NFYB: variants seen among roughly 807,000 people sequenced by gnomAD.
NFYB encodes the protein CAAT box DNA-binding protein subunit B.
In NFYB, 13 loss-of-function variants were observed where a neutral mutation model predicts 28.0. The observed-to-expected ratio is 0.46, with a 90% CI of 0.30 to 0.74. The LOEUF (loss-of-function observed/expected upper bound fraction) is 0.74, where lower values mean the gene tolerates loss of function less well. Ranked by LOEUF, NFYB falls within the 30% of genes least tolerant of loss-of-function variation. NFYB has a pLI of 0.07. For synonymous variants in NFYB, 74 were observed against 75.0 expected, an observed-to-expected ratio of 0.99 and a Z score of 0.07; for missense variants, 142 against 247.6, an observed-to-expected ratio of 0.57 and a Z score of 2.86.
intron 4 of NFYB, among the ~76,000 whole-genome samples, chr12:104,123,950 G>A (rs540294497): frequency 6.6e-6 from 1 of 152,052 alleles, no homozygotes; most frequent in East Asian, 1.9e-4. Context: ...CAAAAAGAGC[G>A]AGACTCCGTC....
At chr12:104,136,382 C>T (rs2031100533) in intron 1 of NFYB, among the ~76,000 whole-genome samples, 1 of 152,078 alleles carries the variant, frequency 6.6e-6, no homozygotes. Context: ...TGAAATCTAG[C>T]AAATAGCAGA....
At chr12:104,120,377 A>G in intron 7 of NFYB, 23 bp downstream of exon 7, 2 of 1,593,760 alleles carry the variant, frequency 1.3e-6, no homozygotes, top group Non-Finnish European at 1.7e-6. Flanking sequence ...TTTTTTAAGC[A>G]TTTAAAATAC....
intron 2 of NFYB, among the ~76,000 whole-genome samples, chr12:104,130,497 A>C (rs1023524664): frequency 4.6e-5 from 7 of 152,192 alleles, no homozygotes; most frequent in Admixed American, 3.9e-4. Flanking sequence ...ACCTTTAATA[A>C]TCTGTGAACA....
At chr12:104,137,795 C>T (rs1026496161) in intron 1 of NFYB, 3 of 147,334 alleles carry the variant, frequency 2.0e-5, no homozygotes, top group African/African-American at 7.3e-5. Flanking sequence ...CCCGGGACGC[C>T]GTCGAGAGCG....
intron 5 of NFYB, among the ~76,000 whole-genome samples, chr12:104,122,953 TCACCTGAGGTCAGGAG>T (rs1343422497): frequency 4.6e-5 from 7 of 152,126 alleles, no homozygotes; most frequent in African/African-American, 9.6e-5. Flanking sequence ...GGCAGGTGGA[TCACCTGAGGTCAGGAG>T]TTTGAGACCA....
In NFYB at chr12:104,121,221, G is replaced by A. The variant is rs761980303; in HGVS notation, c.511+19C>T. 2.3e-5 allele frequency: 36 copies of A among 1,584,772 alleles called. No homozygotes were observed. In the South Asian group the frequency reaches 3.3e-4, roughly 15 times the overall value. ...TCATTGCTAACAATCTACATGACTT[G>A]TATTATAACAATGCTTACTAAATGC... On this transcript the variant is annotated intron_variant, in intron 6 of 7. Coordinates refer to ENST00000240055, the MANE Select transcript of NFYB (RefSeq NM_006166.4).
In NFYB at chr12:104,118,391, T is replaced by C. The variant is rs570186305; in HGVS notation, c.*1346A>G. 1 of 152,724 alleles carries C rather than the reference T, an allele frequency of 6.5e-6. No individual in the cohort carries two copies. Among genetic ancestry groups the C allele is most frequent in the Admixed American group, 6.5e-5 (1 of 15,302 alleles). 9.5% of individuals were successfully genotyped at this position (152,724 alleles called of 1,614,324 possible). ...TTAGCCCACATATACTCCTAAAGGC[T>C]CCTTCTGGCAAAGTAAATGTTTCTG... On this transcript the variant is annotated 3_prime_UTR_variant, in exon 8 of 8. Transcript: ENST00000240055.
chr12:104,137,874 G>A (rs950014653), intron 1 of NFYB: 16 of 146,684 alleles, frequency 1.1e-4, no homozygotes, highest in African/African-American at 3.2e-4. Flanking sequence ...CGAGGGTGAG[G>A]TGGCCTGGCC....
intron 5 of NFYB, among the ~76,000 whole-genome samples, chr12:104,121,898 A>G (rs2030490745): frequency 1.3e-5 from 2 of 152,246 alleles, no homozygotes; most frequent in African/African-American, 2.4e-5. Flanking sequence ...TATTAAGAAT[A>G]TATTTTGAAA....
intron 2 of NFYB, among the ~76,000 whole-genome samples, chr12:104,129,163 C>G (rs902782267): frequency 1.3e-5 from 2 of 152,134 alleles, no homozygotes; most frequent in African/African-American, 2.4e-5. Context: ...CTAATTTATC[C>G]CTGGAATGAT....
At chr12:104,134,047 T>C (rs562334577) in intron 2 of NFYB, among the ~76,000 whole-genome samples, 1 of 152,276 alleles carries the variant, frequency 6.6e-6, no homozygotes, top group African/African-American at 2.4e-5. Context: ...TACTTGACTG[T>C]TCTTTGTAGT....
At chr12:104,130,126 A>G (rs553200709) in intron 2 of NFYB, among the ~76,000 whole-genome samples, 9 of 152,296 alleles carry the variant, frequency 5.9e-5, no homozygotes, top group South Asian at 2.1e-4. Context: ...TCAAAATAAG[A>G]TATCTGTGAG....
intron 2 of NFYB, chr12:104,131,302 A>C (rs759397588): frequency 1.3e-5 from 2 of 157,322 alleles, no homozygotes; most frequent in Non-Finnish European, 2.8e-5. Context: ...ATTCGATCTC[A>C]TCCTCCCTCC....
intron 2 of NFYB, among the ~76,000 whole-genome samples, chr12:104,132,115 A>G (rs1186880155): frequency 3.9e-5 from 6 of 152,246 alleles, no homozygotes. Flanking sequence ...AAGTACGAAG[A>G]AAAACAAAGA....
chr12:104,137,744 C>G (rs1007762883), intron 1 of NFYB: 9 of 147,716 alleles, frequency 6.1e-5, no homozygotes, highest in African/African-American at 2.0e-4. Context: ...CGGGCCGCGT[C>G]TCCCGCCCCT....
intron 5 of NFYB, among the ~76,000 whole-genome samples, chr12:104,122,991 A>G (rs896864842): frequency 4.6e-5 from 7 of 152,066 alleles, no homozygotes; most frequent in African/African-American, 2.4e-5. Context: ...CCTGGCCAAC[A>G]TGGTGTAACC....
intron 5 of NFYB, among the ~76,000 whole-genome samples, chr12:104,121,586 A>G (rs1172192055): frequency 2.0e-5 from 3 of 152,200 alleles, no homozygotes; most frequent in African/African-American, 7.2e-5. Context: ...CTAATTCCAC[A>G]TCATATCAAA....
At position 104,135,658 on chromosome 12, in the gene NFYB, A is replaced by T. The variant is rs200141325; in HGVS notation, c.-79-126T>A. 3.1e-5 allele frequency: 13 copies of T among 417,474 alleles called. No individual in the cohort carries two copies. The East Asian group carries it at 4.0e-4, about 13-fold the overall frequency. The allele number at this position is 417,474 out of a possible 1,614,324, so 25.9% of individuals were successfully genotyped here. A position where few individuals can be genotyped will look rare whatever the true frequency, so the allele number is the denominator to read the frequency against. ...TTGTATAATTTTGACTACTATTCTT[A>T]ATCAATGGAGTACATGGTATAAAAT... On this transcript the variant is annotated intron_variant, in intron 1 of 7. Coordinates refer to ENST00000240055, the MANE Select transcript of NFYB (RefSeq NM_006166.4).
intron 2 of NFYB, among the ~76,000 whole-genome samples, chr12:104,132,759 G>GTT (rs2030971413): frequency 6.6e-6 from 1 of 152,168 alleles, no homozygotes; most frequent in African/African-American, 2.4e-5. Context: ...GCTAATGACC[G>GTT]TGAGTTTACA....
Sources: allele counts gnomAD v4.1 joint callset (sites outside exome capture counted in the v4.1 genomes callset), GRCh38; gene constraint gnomAD v4.1.1; transcripts MANE v1.5; gene names NCBI Gene and HGNC (gene_info 2026-07-23, HGNC 2026-07-21).